Variants in NAV3 observed in about 807,000 individuals in gnomAD.
NAV3 encodes pore membrane and/or filament interacting like protein 1.
A neutral mutation model predicts 244.7 loss-of-function variants in NAV3; 87 were observed. That is an observed-to-expected ratio of 0.36 (90% confidence interval 0.30 to 0.42). The LOEUF is 0.42. NAV3 is among the 20% of genes least tolerant of loss of function. The pLI is 1.00. For missense variants in NAV3, 2,663 were observed against 2,893.3 expected, an observed-to-expected ratio of 0.92 and a Z score of 1.83; for synonymous variants, 1,126 against 1,042.2, an observed-to-expected ratio of 1.08 and a Z score of -1.55.
At chr12:77,574,084 AC>A (rs1331578737) in intron 2 of NAV3, among the ~76,000 whole-genome samples, 1 of 152,170 alleles carries the variant, frequency 6.6e-6, no homozygotes, top group East Asian at 1.9e-4. Flanking sequence ...GTGTAAAAAT[AC>A]TACCTTGGTG....
chr12:78,025,352 CT>C (rs1197728524), intron 9 of NAV3, among the ~76,000 whole-genome samples: 4 of 151,966 alleles, frequency 2.6e-5, no homozygotes. Flanking sequence ...AATTCTAGCA[CT>C]TTGGGAGGCC....
intron 38 of NAV3, 67 bp from the exon 39 acceptor site, chr12:78,204,868 G>A (rs1482279228): frequency 1.4e-6 from 2 of 1,399,882 alleles, no homozygotes; most frequent in Non-Finnish European, 2.0e-6. Flanking sequence ...CATCCAACTA[G>A]CAGTCCCCTT....
intron 2 of NAV3, among the ~76,000 whole-genome samples, chr12:77,704,073 TATTA>T (rs1254402548): frequency 1.3e-5 from 2 of 152,168 alleles, no homozygotes; most frequent in African/African-American, 4.8e-5. Flanking sequence ...AGCCATAGAA[TATTA>T]ATTAAACATA....
In NAV3 at chr12:78,179,538, A is replaced by C; in HGVS notation, c.5373A>C (p.Glu1791Asp). The C allele has an allele frequency of 6.2e-7, 1 of 1,613,182 alleles. No individual in the cohort carries two copies. The highest frequency in any genetic ancestry group is 1.1e-5 in the South Asian group (1 of 91,048). Reference protein sequence around the residue: ...VIYKHRSRICECTEAEAEIIL... With the variant: ...VIYKHRSRICDCTEAEAEIIL... Reference sequence around the variant, plus strand: ...TTGTTTCCTTCTTCAGGATCTGTGAATGCACAGAAGCTGAGGCAGAGATAA... The same window carrying C: ...TTGTTTCCTTCTTCAGGATCTGTGACTGCACAGAAGCTGAGGCAGAGATAA... The change falls in exon 29 of 40, where the codon GAA becomes GAC. Residue 1791 changes from glutamate (E) to aspartate (D), a missense_variant. By Grantham distance (45) the Glu-to-Asp change is conservative. Transcript: ENST00000397909.
chr12:78,185,817 A>G (rs1958690340), intron 31 of NAV3, 119 bp downstream of exon 31: 2 of 786,508 alleles, frequency 2.5e-6, no homozygotes, highest in Non-Finnish European at 4.0e-6. Context: ...GATTGGCATT[A>G]GCTTAACATG....
At chr12:77,996,049 G>T (rs1170158118) in intron 6 of NAV3, among the ~76,000 whole-genome samples, 1 of 152,054 alleles carries the variant, frequency 6.6e-6, no homozygotes, top group Non-Finnish European at 1.5e-5. Flanking sequence ...GTTTTAATTT[G>T]TTCTTCTAAG....
intron 2 of NAV3, among the ~76,000 whole-genome samples, chr12:77,641,116 T>C (rs1429599313): frequency 2.6e-5 from 4 of 152,122 alleles, no homozygotes; most frequent in African/African-American, 9.7e-5. Context: ...TTAGAGGAAG[T>C]TTACATTCCT....
chr12:77,729,543 A>G (rs1353723170), intron 2 of NAV3, among the ~76,000 whole-genome samples: 5 of 151,992 alleles, frequency 3.3e-5, no homozygotes, highest in African/African-American at 2.4e-5. Context: ...GAAATGTAAG[A>G]TAAACATGGT....
chr12:77,954,089 A>G (rs1565954062), intron 3 of NAV3, among the ~76,000 whole-genome samples: 2 of 152,054 alleles, frequency 1.3e-5, no homozygotes, highest in Admixed American at 1.3e-4. Flanking sequence ...GGCCACATCA[A>G]CCATTCTGTA....
intron 2 of NAV3, among the ~76,000 whole-genome samples, chr12:77,689,721 C>G (rs541538285): frequency 6.6e-6 from 1 of 151,868 alleles, no homozygotes; most frequent in South Asian, 2.1e-4. Flanking sequence ...CATCAAATCA[C>G]CATTACTAAA....
At chr12:78,116,619 T>C (rs140820676) in intron 12 of NAV3, among the ~76,000 whole-genome samples, 153 bp from the exon 13 acceptor site, 114 of 152,314 alleles carry the variant, frequency 7.5e-4, no homozygotes, top group Middle Eastern at 6.8e-3. Flanking sequence ...CATATAAATA[T>C]GATTTTCCCA....
At chr12:77,991,683 C>T (rs1871464479) in intron 5 of NAV3, among the ~76,000 whole-genome samples, 1 of 152,062 alleles carries the variant, frequency 6.6e-6, no homozygotes, top group Admixed American at 6.6e-5. Flanking sequence ...GATAAAAACC[C>T]CTCTTGTCTT....
At chr12:77,782,072 A>G (rs1004295256) in intron 2 of NAV3, among the ~76,000 whole-genome samples, 2 of 152,182 alleles carry the variant, frequency 1.3e-5, no homozygotes, top group African/African-American at 4.8e-5. Flanking sequence ...TTGCCAAACT[A>G]AAGCAATATT....
chr12:78,089,060 G>T (rs1343623984), intron 12 of NAV3, among the ~76,000 whole-genome samples: 2 of 152,104 alleles, frequency 1.3e-5, no homozygotes, highest in Non-Finnish European at 2.9e-5. Context: ...AACATAATAG[G>T]AATGTTTGTG....
chr12:77,852,504 A>C (rs1284126963), intron 1 of NAV3, among the ~76,000 whole-genome samples: 2 of 152,228 alleles, frequency 1.3e-5, no homozygotes, highest in East Asian at 3.9e-4. Context: ...GCACCACTGC[A>C]CTCCAGCCTG....
At chr12:78,141,867 A>C (rs1956630398) in intron 20 of NAV3, among the ~76,000 whole-genome samples, 1 of 152,188 alleles carries the variant, frequency 6.6e-6, no homozygotes, top group Non-Finnish European at 1.5e-5. Flanking sequence ...AACCATTGCC[A>C]TTTACATCTA....
intron 5 of NAV3, among the ~76,000 whole-genome samples, chr12:77,973,033 C>T (rs1893127225): frequency 6.6e-6 from 1 of 151,704 alleles, no homozygotes; most frequent in Non-Finnish European, 1.5e-5. Context: ...ATGTACTGAC[C>T]TGGTTATATA....
chr12:77,875,114 A>AAGAAAATATTTTAAAAATATTTTTATT (rs1304775634), intron 1 of NAV3, among the ~76,000 whole-genome samples: 20 of 152,256 alleles, frequency 1.3e-4, no homozygotes, highest in Admixed American at 9.8e-4. Flanking sequence ...TTTTATGCAA[A>AAGAAAATATTTTAAAAATATTTTTATT]AGAAAATATT....
At chr12:77,673,530 A>G (rs1874079584) in intron 2 of NAV3, among the ~76,000 whole-genome samples, 1 of 152,128 alleles carries the variant, frequency 6.6e-6, no homozygotes, top group South Asian at 2.1e-4. Context: ...CATTGAAGAC[A>G]TTTATTTTGA....
Sources: gnomAD v4.1 joint callset for allele counts (sites outside exome capture counted in the v4.1 genomes callset) on GRCh38, gnomAD v4.1.1 for gene constraint, MANE v1.5 for transcripts, NCBI Gene and HGNC (gene_info 2026-07-23, HGNC 2026-07-21) for gene names.